CPXM2: variants seen among roughly 807,000 people sequenced by gnomAD.
The protein encoded by CPXM2 is inactive carboxypeptidase-like protein X2.
A neutral mutation model predicts 86.1 loss-of-function variants in CPXM2; 66 were observed. The observed-to-expected ratio is 0.77, with a 90% CI of 0.63 to 0.94. The LOEUF is 0.94. Ranked by LOEUF, CPXM2 falls within the 40% of genes least tolerant of loss-of-function variation. The pLI is 0.00. For missense variants in CPXM2, 948 were observed against 1,026.3 expected, an observed-to-expected ratio of 0.92 and a Z score of 1.04; for synonymous variants, 388 against 400.2, an observed-to-expected ratio of 0.97 and a Z score of 0.36.
At chr10:123,855,729 A>G (rs530587068) in intron 3 of CPXM2, among the ~76,000 whole-genome samples, 28 of 152,318 alleles carry the variant, frequency 1.8e-4, no homozygotes, top group African/African-American at 6.3e-4. Context: ...CCGCCTCCAA[A>G]TATCCCACCT....
At chr10:123,859,441 T>C (rs1003540209) in intron 3 of CPXM2, among the ~76,000 whole-genome samples, 43 of 152,244 alleles carry the variant, frequency 2.8e-4, no homozygotes, top group African/African-American at 1.0e-3. Context: ...AGCACAGCCC[T>C]GCTGACACCT....
At chr10:123,904,915 C>A (rs7478539) in intron 2 of CPXM2, among the ~76,000 whole-genome samples, 2 of 103,132 alleles carry the variant, frequency 1.9e-5, no homozygotes, top group Admixed American at 1.0e-4. Context: ...CTGCATCACA[C>A]CTGCATCCTA....
chr10:123,846,008 A>C (rs1848487192), intron 3 of CPXM2, among the ~76,000 whole-genome samples: 1 of 152,166 alleles, frequency 6.6e-6, no homozygotes. Context: ...CAAAATAAAG[A>C]CATTTTCAGA....
intron 6 of CPXM2, among the ~76,000 whole-genome samples, chr10:123,790,426 C>T (rs538018130): frequency 2.6e-5 from 4 of 152,046 alleles, no homozygotes; most frequent in Admixed American, 2.0e-4. Context: ...ATGTGAACTA[C>T]GGATTAGAAC....
chr10:123,794,020 T>C (rs1449836010), intron 6 of CPXM2, among the ~76,000 whole-genome samples: 6 of 152,180 alleles, frequency 3.9e-5, no homozygotes, highest in Non-Finnish European at 8.8e-5. Context: ...TTTTCAATAA[T>C]TATGAACCAG....
chr10:123,762,700 T>C (rs1365572137), intron 10 of CPXM2, among the ~76,000 whole-genome samples: 1 of 152,164 alleles, frequency 6.6e-6, no homozygotes, highest in Non-Finnish European at 1.5e-5. Context: ...ATGTTTGACA[T>C]CGTTTAAGAA....
At chr10:123,917,059 G>T (rs1945539656) in intron 2 of CPXM2, among the ~76,000 whole-genome samples, 1 of 152,160 alleles carries the variant, frequency 6.6e-6, no homozygotes, top group Non-Finnish European at 1.5e-5. Flanking sequence ...GGGAGGGAAG[G>T]CCGGACCTAG....
intron 4 of CPXM2, among the ~76,000 whole-genome samples, chr10:123,822,077 A>G (rs1590037663): frequency 6.6e-6 from 1 of 152,350 alleles, no homozygotes; most frequent in East Asian, 1.9e-4. Context: ...ATGTGTGACC[A>G]ATGAAAAAGG....
At chr10:123,927,781 G>A (rs1335596894) in intron 2 of CPXM2, among the ~76,000 whole-genome samples, 1 of 152,214 alleles carries the variant, frequency 6.6e-6, no homozygotes, top group Non-Finnish European at 1.5e-5. Flanking sequence ...GAGTACAAAT[G>A]GGTCACGTTC....
intron 6 of CPXM2, among the ~76,000 whole-genome samples, chr10:123,784,573 C>G (rs1847007590): frequency 6.6e-6 from 1 of 152,228 alleles, no homozygotes; most frequent in Non-Finnish European, 1.5e-5. Context: ...TCTTACTCCT[C>G]AGACATGGTC....
intron 6 of CPXM2, among the ~76,000 whole-genome samples, chr10:123,786,494 G>T (rs1333220993): frequency 2.0e-5 from 3 of 152,146 alleles, no homozygotes; most frequent in Non-Finnish European, 4.4e-5. Flanking sequence ...CAAACAATTG[G>T]ACATTCCCAG....
chr10:123,752,486 G>C (rs1205635570), intron 13 of CPXM2: 3 of 985,226 alleles, frequency 3.0e-6, no homozygotes, highest in South Asian at 4.7e-5. Flanking sequence ...TTACATATTT[G>C]GTCTTTTATG....
intron 2 of CPXM2, among the ~76,000 whole-genome samples, chr10:123,919,379 A>G (rs906601615): frequency 2.6e-5 from 4 of 152,270 alleles, no homozygotes; most frequent in African/African-American, 4.8e-5. Flanking sequence ...TATCCAGGAT[A>G]CAATCTAAAT....
At chr10:123,837,957 AC>A (rs1848312082) in intron 4 of CPXM2, among the ~76,000 whole-genome samples, 1 of 152,124 alleles carries the variant, frequency 6.6e-6, no homozygotes, top group Non-Finnish European at 1.5e-5. Flanking sequence ...GTGCCCATTT[AC>A]CATGGCATGC....
At chr10:123,901,482 T>C (rs147180973) in intron 2 of CPXM2, among the ~76,000 whole-genome samples, 1 of 150,882 alleles carries the variant, frequency 6.6e-6, no homozygotes, top group African/African-American at 2.4e-5. Flanking sequence ...TGTTTTCCCC[T>C]ATGCAAATGA....
chr10:123,833,070 A>G (rs1390655679), intron 4 of CPXM2, among the ~76,000 whole-genome samples: 2 of 152,204 alleles, frequency 1.3e-5, no homozygotes, highest in African/African-American at 4.8e-5. Flanking sequence ...GACTTCCTAA[A>G]CGGTGAGAAA....
chr10:123,762,185 A>G lies in CPXM2; in HGVS notation c.1480-16T>C, dbSNP rs746568271. ...CGGCAGCCACCTGTGAACATCCCAA[A>G]TGGACGAGTAAAATAAGCAGGAAGT... On this transcript the variant is annotated splice_polypyrimidine_tract_variant and intron_variant, in intron 10 of 13. Coordinates refer to ENST00000241305, the MANE Select transcript of CPXM2 (RefSeq NM_198148.3). 2 of 1,614,110 alleles carry G rather than the reference A, an allele frequency of 1.2e-6. No homozygotes were observed. Among genetic ancestry groups the G allele is most frequent in the Non-Finnish European group, 1.7e-6 (2 of 1,180,030 alleles).
At chr10:123,815,938 G>A (rs983562090) in intron 4 of CPXM2, among the ~76,000 whole-genome samples, 10 of 152,160 alleles carry the variant, frequency 6.6e-5, no homozygotes, top group African/African-American at 2.4e-4. Flanking sequence ...GCCACTAAGT[G>A]GGGACTCTGT....
Position 123,754,795 on chromosome 10 carries a change from C to A in CPXM2, c.1918-33G>T. 2 of 1,241,174 alleles carry A rather than the reference C, an allele frequency of 1.6e-6. No individual in the cohort carries two copies. The highest frequency in any genetic ancestry group is 2.4e-5 in the South Asian group (2 of 83,514). 76.9% of individuals were successfully genotyped at this position (1,241,174 alleles called of 1,614,324 possible). On this transcript the variant is annotated intron_variant, in intron 12 of 13. Coordinates refer to ENST00000241305, the MANE Select transcript of CPXM2 (RefSeq NM_198148.3). This position sits in a 1 kb window ranked among gnomAD's most constrained non-coding sequence, Gnocchi z 4.0. The stretch of plus-strand genomic sequence containing the variant: ...GCAAACATGAGACACAGGGTGAGGT[C>A]ACCGACCAGCTCTGGACACAACCGG...
Sources: allele counts gnomAD v4.1 joint callset (sites outside exome capture counted in the v4.1 genomes callset), GRCh38; gene constraint gnomAD v4.1.1; non-coding constraint Gnocchi (gnomAD v3.1); transcripts MANE v1.5; gene names NCBI Gene and HGNC (gene_info 2026-07-23, HGNC 2026-07-21).